Variants in HEATR4 observed in about 807,000 individuals in gnomAD.
The protein encoded by HEATR4 is HEAT repeat containing 4, also known as HEAT repeat-containing protein 4.
In HEATR4, 95 loss-of-function variants were observed where a neutral mutation model predicts 108.8. The ratio of observed to expected loss-of-function variants is 0.87; its 90% CI spans 0.74 to 1.04. The LOEUF (loss-of-function observed/expected upper bound fraction) is 1.04, where lower values mean the gene tolerates loss of function less well. HEATR4 is among the 50% of genes least tolerant of loss of function. The pLI is 0.00. For synonymous variants in HEATR4, 443 were observed against 459.4 expected, an observed-to-expected ratio of 0.96 and a Z score of 0.46; for missense variants, 1,152 against 1,253.8, an observed-to-expected ratio of 0.92 and a Z score of 1.23.
chr14:73,598,530 C>T, the HEATR4 span, among the ~76,000 whole-genome samples: 1 of 152,016 alleles, frequency 6.6e-6, no homozygotes, highest in African/African-American at 2.4e-5. Context: ...AGGATTCTAC[C>T]GTGTTTGCCA....
intron 4 of HEATR4, among the ~76,000 whole-genome samples, chr14:73,519,437 T>C (rs1420091952): frequency 6.6e-6 from 1 of 151,734 alleles, no homozygotes; most frequent in Non-Finnish European, 1.5e-5. Context: ...CCAAGGATGG[T>C]GATTTCCTTC....
At chr14:73,605,556 C>CTTTTTTTTTTTT in the HEATR4 span, among the ~76,000 whole-genome samples, 5 of 56,910 alleles carry the variant, frequency 8.8e-5, no homozygotes, top group Admixed American at 2.9e-4. Context: ...CTGTAAGATT[C>CTTTTTTTTTTTT]TTTTTTTTTT....
rs763999300 is a variant in HEATR4 at position 73,509,317 on chromosome 14, A to G, written c.1715T>C (p.Leu572Pro). 2 of 1,613,980 alleles carry G rather than the reference A, an allele frequency of 1.2e-6. No homozygotes were observed. The highest frequency in any genetic ancestry group is 2.7e-5 in the African/African-American group (2 of 74,924). ...AGTAACAGGGAGTTACTCACCCTTC[A>G]GAAGGGCAGTCTGCATGATGTTCCG... ...LARNIMQTAL[L>P]KGNSVDSWAA... is the part of the protein sequence containing the mutation. Residue 572 changes from leucine to proline, a missense_variant, in exon 8 of 18, where the codon CTG (leucine) becomes CCG (proline). Leu to Pro is a moderately conservative substitution (Grantham distance 98). Transcript: ENST00000553558.
chr14:73,578,231 C>CCT, the HEATR4 span, among the ~76,000 whole-genome samples: 1 of 139,348 alleles, frequency 7.2e-6, no homozygotes, highest in African/African-American at 2.7e-5. Context: ...GACATTTCAT[C>CCT]TTTTTTTTTT....
intron 17 of HEATR4, chr14:73,491,652 C>A: frequency 6.5e-7 from 1 of 1,549,794 alleles, no homozygotes. Flanking sequence ...CTCATCGCGC[C>A]CATGCCGCCA....
At chr14:73,589,783 G>A in the HEATR4 span, among the ~76,000 whole-genome samples, 3 of 152,172 alleles carry the variant, frequency 2.0e-5, no homozygotes, top group East Asian at 1.9e-4. Context: ...AGTTCTTAAA[G>A]GCAGCGTGTC....
chr14:73,491,449 G>C lies in HEATR4; in HGVS notation c.2844+1617C>G, dbSNP rs1182953163. On this transcript the variant is annotated intron_variant, in intron 17 of 17. Transcript: ENST00000553558. ...CCGCCGCGCCGGTCCGGGTGGTGGA[G>C]ACCTCGGCCCTGCTGTGCACCGCGC... 4.3e-6 allele frequency: 6 copies of C among 1,392,190 alleles called. No individual in the cohort carries two copies. In the South Asian group the frequency reaches 8.2e-5, roughly 19 times the overall value. 86.2% of individuals were successfully genotyped at this position (1,392,190 alleles called of 1,614,324 possible). A position where few individuals can be genotyped will look rare whatever the true frequency, so the allele number is the denominator to read the frequency against.
intron 2 of HEATR4, among the ~76,000 whole-genome samples, chr14:73,528,558 G>A (rs1410004912): frequency 1.3e-5 from 2 of 152,118 alleles, no homozygotes; most frequent in Non-Finnish European, 2.9e-5. Flanking sequence ...GTCTTTGTCT[G>A]CCTTGGAGTC....
chr14:73,624,403 A>G, the HEATR4 span, among the ~76,000 whole-genome samples: 1 of 152,098 alleles, frequency 6.6e-6, no homozygotes, highest in Non-Finnish European at 1.5e-5. Flanking sequence ...TGCTGGGATT[A>G]CAGGCATGAG....
chr14:73,605,224 C>T, the HEATR4 span, among the ~76,000 whole-genome samples: 93 of 152,128 alleles, frequency 6.1e-4, no homozygotes, highest in African/African-American at 2.0e-3. Context: ...CCATAGTGCT[C>T]TTTTAAAAAA....
chr14:73,593,932 G>A, the HEATR4 span: 9 of 1,574,290 alleles, frequency 5.7e-6, no homozygotes, highest in East Asian at 1.8e-4. Flanking sequence ...TATTTAATCA[G>A]TCTCTCTAGA....
At position 73,492,082 on chromosome 14, in the gene HEATR4, ACT is replaced by A. The variant is rs747344738; in HGVS notation, c.2844+982_2844+983del. On this transcript the variant is annotated intron_variant, in intron 17 of 17. Transcript: ENST00000553558. The surrounding 1 kb of genome is among the most constrained non-coding windows in gnomAD (Gnocchi z 4.9). ...TCGTGCTGCAGCTGGAAGGTAGGAA[ACT>A]CTGGCGTGTATACCGACCCCGAGTC... is the stretch of plus-strand genomic sequence containing the variant. 5 of 1,613,422 alleles carry A rather than the reference ACT, an allele frequency of 3.1e-6. No individual in the cohort carries two copies. Among genetic ancestry groups the A allele is most frequent in the Admixed American group, 1.7e-5 (1 of 59,964 alleles).
chr14:73,597,008 A>C, the HEATR4 span, among the ~76,000 whole-genome samples: 1 of 152,244 alleles, frequency 6.6e-6, no homozygotes, highest in African/African-American at 2.4e-5. Flanking sequence ...TGTAAATGCC[A>C]GGCAGAATAA....
At chr14:73,623,704 A>C in the HEATR4 span, among the ~76,000 whole-genome samples, 3 of 151,836 alleles carry the variant, frequency 2.0e-5, no homozygotes, top group Non-Finnish European at 2.9e-5. Flanking sequence ...TTGCATCCCA[A>C]TGTTGGAGGT....
chr14:73,617,076 G>A, the HEATR4 span: 1 of 1,471,630 alleles, frequency 6.8e-7, no homozygotes, highest in South Asian at 1.1e-5. Context: ...GGCCGGACAT[G>A]GTTTTGCTGT....
At chr14:73,510,773 A>G (rs961437165) in intron 7 of HEATR4, among the ~76,000 whole-genome samples, 22 of 152,152 alleles carry the variant, frequency 1.4e-4, no homozygotes, top group African/African-American at 5.1e-4. Flanking sequence ...AGCATTCCAC[A>G]GAGTCTTGGG....
the HEATR4 span, among the ~76,000 whole-genome samples, chr14:73,573,212 A>G: frequency 4.0e-5 from 6 of 151,728 alleles, no homozygotes; most frequent in Non-Finnish European, 8.8e-5. Flanking sequence ...ACAACGAGTA[A>G]AGTCACTATA....
At chr14:73,600,512 C>T in the HEATR4 span, among the ~76,000 whole-genome samples, 2 of 151,840 alleles carry the variant, frequency 1.3e-5, no homozygotes, top group African/African-American at 2.4e-5. Context: ...AGTGCAATGG[C>T]GTGATCTCAG....
At chr14:73,574,741 G>C in the HEATR4 span, among the ~76,000 whole-genome samples, 27 of 152,082 alleles carry the variant, frequency 1.8e-4, 2 homozygotes, top group Non-Finnish European at 2.2e-4. Flanking sequence ...ACAAATTGTG[G>C]AAAGGAAGAG....
Sources: allele counts gnomAD v4.1 joint callset (sites outside exome capture counted in the v4.1 genomes callset), GRCh38; gene constraint gnomAD v4.1.1; non-coding constraint Gnocchi (gnomAD v3.1); transcripts MANE v1.5; gene names NCBI Gene and HGNC (gene_info 2026-07-23, HGNC 2026-07-21).